DPP10: variants seen among roughly 807,000 people sequenced by gnomAD.
DPP10 encodes dipeptidyl peptidase like 10, also known as inactive dipeptidyl peptidase 10.
DPP10 carries 33 observed loss-of-function variants against 120.9 expected under a neutral mutation model. The observed-to-expected ratio is 0.27, with a 90% CI of 0.21 to 0.37. The LOEUF (loss-of-function observed/expected upper bound fraction) is 0.37. Among genes scored for constraint, DPP10 ranks in the 10% least tolerant of loss-of-function variants. The probability of loss-of-function intolerance (pLI) is 1.00; values close to 1 mark genes in which losing one functional copy is unlikely to be tolerated. For missense variants in DPP10, 816 were observed against 942.8 expected (o/e 0.87, Z 1.76); for synonymous variants, 337 against 326.1 (o/e 1.03, Z -0.36).
intron 5 of DPP10, among the ~76,000 whole-genome samples, chr2:115,560,917 C>A (rs1170892823): frequency 2.0e-5 from 3 of 152,134 alleles, no homozygotes; most frequent in Non-Finnish European, 2.9e-5. Context: ...ATTTAGACAT[C>A]TATCTTCACC....
intron 1 of DPP10, among the ~76,000 whole-genome samples, chr2:114,744,571 A>G (rs562325251): frequency 1.3e-5 from 2 of 152,324 alleles, no homozygotes; most frequent in Non-Finnish European, 2.9e-5. Context: ...CTACACTGAC[A>G]AATAAGTTTG....
chr2:115,628,126 C>A (rs1214933726), intron 5 of DPP10, among the ~76,000 whole-genome samples: 2 of 152,150 alleles, frequency 1.3e-5, no homozygotes, highest in Non-Finnish European at 2.9e-5. Context: ...AACTGATTTA[C>A]ATTTTCACCA....
intron 1 of DPP10, among the ~76,000 whole-genome samples, chr2:115,194,250 G>C (rs561753113): frequency 1.3e-5 from 2 of 152,066 alleles, no homozygotes; most frequent in East Asian, 3.9e-4. Context: ...TTGAGACGGA[G>C]CTTCGCTCTT....
At chr2:115,401,927 A>G (rs1574719710) in intron 3 of DPP10, among the ~76,000 whole-genome samples, 1 of 152,136 alleles carries the variant, frequency 6.6e-6, no homozygotes, top group African/African-American at 2.4e-5. Context: ...TCTACTATAA[A>G]TATTTTCAAA....
intron 1 of DPP10, among the ~76,000 whole-genome samples, chr2:115,166,356 TTTAA>T (rs2052845095): frequency 6.6e-6 from 1 of 151,184 alleles, no homozygotes; most frequent in South Asian, 2.1e-4. Flanking sequence ...AAATGTCATA[TTTAA>T]TTGGGAGTAG....
intron 1 of DPP10, among the ~76,000 whole-genome samples, chr2:114,475,844 C>A (rs1379078452): frequency 1.3e-5 from 2 of 152,166 alleles, no homozygotes; most frequent in Non-Finnish European, 2.9e-5. Context: ...AATAGGAACT[C>A]TCTTTCCTGT....
chr2:115,010,677 T>C (rs189141430), intron 1 of DPP10, among the ~76,000 whole-genome samples: 173 of 152,286 alleles, frequency 1.1e-3, no homozygotes, highest in Non-Finnish European at 1.9e-3. Flanking sequence ...GGAAATGGCA[T>C]TGAGAGACTT....
chr2:115,664,883 T>C (rs2089319887), intron 5 of DPP10, among the ~76,000 whole-genome samples: 1 of 131,068 alleles, frequency 7.6e-6, no homozygotes, highest in South Asian at 2.4e-4. Flanking sequence ...ATGTGGCCAT[T>C]CATATTTACA....
At chr2:115,771,855 C>G (rs1440922855) in intron 13 of DPP10, among the ~76,000 whole-genome samples, 1 of 152,130 alleles carries the variant, frequency 6.6e-6, no homozygotes, top group Non-Finnish European at 1.5e-5. Context: ...AATGAAATTA[C>G]TAAATTTTTG....
At chr2:115,383,351 C>T (rs926095628) in intron 3 of DPP10, among the ~76,000 whole-genome samples, 2 of 152,170 alleles carry the variant, frequency 1.3e-5, no homozygotes, top group Admixed American at 6.5e-5. Flanking sequence ...TGTCTGCCAC[C>T]ATGTGAGACA....
intron 2 of DPP10, among the ~76,000 whole-genome samples, chr2:115,337,867 GAAAT>G (rs757389129): frequency 6.6e-6 from 1 of 151,828 alleles, no homozygotes. Context: ...AAAAAACAAA[GAAAT>G]GAATGAAGTA....
intron 1 of DPP10, among the ~76,000 whole-genome samples, chr2:114,813,045 G>A (rs913010824): frequency 6.6e-6 from 1 of 152,088 alleles, no homozygotes; most frequent in Non-Finnish European, 1.5e-5. Flanking sequence ...TTAAGCCCAC[G>A]AGGACTGATT....
intron 1 of DPP10, among the ~76,000 whole-genome samples, chr2:115,220,739 T>C (rs1351267121): frequency 1.3e-5 from 2 of 152,120 alleles, no homozygotes; most frequent in Non-Finnish European, 2.9e-5. Context: ...ACAAAACAAA[T>C]CACTACTGTG....
intron 1 of DPP10, among the ~76,000 whole-genome samples, chr2:115,057,909 T>A (rs573628158): frequency 2.7e-4 from 41 of 152,288 alleles, no homozygotes; most frequent in Admixed American, 3.9e-4. Flanking sequence ...GTGTGAGAAG[T>A]TTGACTGGAA....
intron 21 of DPP10, among the ~76,000 whole-genome samples, chr2:115,824,400 C>T (rs1191159273): frequency 2.0e-5 from 3 of 152,048 alleles, no homozygotes; most frequent in African/African-American, 7.2e-5. Context: ...GTTTGCTGCA[C>T]TTATCAACCC....
chr2:114,559,975 A>ATACAC (rs1688637998), intron 1 of DPP10, among the ~76,000 whole-genome samples: 1 of 151,134 alleles, frequency 6.6e-6, no homozygotes, highest in Non-Finnish European at 1.5e-5. Flanking sequence ...TCTTTCTCTG[A>ATACAC]TACACACTCC....
chr2:115,344,506 C>G (rs1476459185), intron 3 of DPP10, among the ~76,000 whole-genome samples: 3 of 151,946 alleles, frequency 2.0e-5, no homozygotes, highest in African/African-American at 7.2e-5. Flanking sequence ...TTAAGTGTTA[C>G]AAGCTAGTGA....
At chr2:115,630,391 C>G (rs753126574) in intron 5 of DPP10, among the ~76,000 whole-genome samples, 1 of 151,992 alleles carries the variant, frequency 6.6e-6, no homozygotes, top group Non-Finnish European at 1.5e-5. Context: ...ACCTGAATAC[C>G]CTTTATTTTT....
intron 3 of DPP10, among the ~76,000 whole-genome samples, chr2:115,364,625 C>CTTT (rs34256845): frequency 1.5e-5 from 2 of 136,646 alleles, no homozygotes; most frequent in African/African-American, 5.3e-5. Flanking sequence ...TCCCAGACAT[C>CTTT]TTTTTTTTTT....
Sources: allele counts gnomAD v4.1 joint callset (sites outside exome capture counted in the v4.1 genomes callset), GRCh38; gene constraint gnomAD v4.1.1; transcripts MANE v1.5; gene names NCBI Gene and HGNC (gene_info 2026-07-23, HGNC 2026-07-21).